TYW1B: variants seen among roughly 807,000 people sequenced by gnomAD.
TYW1B encodes S-adenosyl-L-methionine-dependent tRNA 4-demethylwyosine synthase TYW1B.
TYW1B carries 73 observed loss-of-function variants against 86.9 expected under a neutral mutation model. That is an observed-to-expected ratio of 0.84 (90% CI 0.70 to 1.02). TYW1B has a LOEUF of 1.02. Among genes scored for constraint, TYW1B ranks in the 50% least tolerant of loss-of-function variants. The pLI is 0.00. For missense variants in TYW1B, 637 were observed against 827.4 expected (o/e 0.77, Z 2.82); for synonymous variants, 248 against 292.8 (o/e 0.85, Z 1.56).
chr7:72,798,219 G>A (rs575091368), intron 6 of TYW1B, among the ~76,000 whole-genome samples: 8 of 151,970 alleles, frequency 5.3e-5, no homozygotes, highest in South Asian at 4.2e-4. Context: ...GTGAAACCCC[G>A]TCTCTACCAA....
chr7:72,647,475 G>C (rs1812956473), intron 11 of TYW1B, among the ~76,000 whole-genome samples: 1 of 152,118 alleles, frequency 6.6e-6, no homozygotes, highest in Admixed American at 6.6e-5. Context: ...CAATCCCAAG[G>C]AATGGCTAGA....
Position 72,628,980 on chromosome 7 carries a change from G to A in TYW1B, c.1524C>T (p.Tyr508=). Residue 508 remains tyrosine, a synonymous_variant, in exon 12 of 14, where the codon TAC becomes TAT. Coordinates refer to ENST00000620995, the MANE Select transcript of TYW1B (RefSeq NM_001145440.3). ...TCCATGCTTTCACGAGCATCAGTCT[G>A]TAGACAGTTCGTTGTTGCTAAAACA... ...ALAVKQQRTV[Y]RLMLVKAWNV... The A allele has an allele frequency of 2.5e-6, 4 of 1,585,270 alleles. No homozygotes were observed. Among genetic ancestry groups the A allele is most frequent in the Non-Finnish European group, 2.6e-6 (3 of 1,165,310 alleles).
At chr7:72,657,153 C>T (rs1223980267) in intron 11 of TYW1B, among the ~76,000 whole-genome samples, 2 of 151,920 alleles carry the variant, frequency 1.3e-5, no homozygotes, top group Admixed American at 6.6e-5. Context: ...TACAGATATC[C>T]TAAAATAGAA....
At chr7:72,703,389 G>T (rs1814537749) in intron 10 of TYW1B, among the ~76,000 whole-genome samples, 1 of 151,926 alleles carries the variant, frequency 6.6e-6, no homozygotes, top group Admixed American at 6.6e-5. Flanking sequence ...GACGTGTGTT[G>T]CTTAAATTCC....
chr7:72,641,893 C>T (rs1258288442), intron 11 of TYW1B, among the ~76,000 whole-genome samples: 2 of 152,106 alleles, frequency 1.3e-5, no homozygotes, highest in Non-Finnish European at 2.9e-5. Flanking sequence ...TCCCAAAATG[C>T]ATATGGAAAT....
chr7:72,707,349 A>G (rs1814638168), intron 10 of TYW1B, among the ~76,000 whole-genome samples: 1 of 152,258 alleles, frequency 6.6e-6, no homozygotes. Context: ...GCCCCAGCCC[A>G]GCCCATCATC....
At chr7:72,810,774 T>C in intron 3 of TYW1B, 109 bp from the exon 4 acceptor site, 1 of 1,392,650 alleles carries the variant, frequency 7.2e-7, no homozygotes, top group African/African-American at 1.5e-5. Flanking sequence ...AAGGGTACCT[T>C]CATAAACATG....
chr7:72,710,164 C>T (rs1466153895), intron 10 of TYW1B, among the ~76,000 whole-genome samples: 1 of 152,164 alleles, frequency 6.6e-6, no homozygotes, highest in Non-Finnish European at 1.5e-5. Context: ...GAATCATCTT[C>T]TCTGGTTATC....
At chr7:72,784,071 TG>T (rs1788089890) in intron 6 of TYW1B, among the ~76,000 whole-genome samples, 1 of 152,106 alleles carries the variant, frequency 6.6e-6, no homozygotes, top group Non-Finnish European at 1.5e-5. Context: ...AAATTAATGA[TG>T]CTGATGTTAG....
intron 13 of TYW1B, among the ~76,000 whole-genome samples, chr7:72,585,146 C>T (rs529395932): frequency 6.6e-6 from 1 of 152,330 alleles, no homozygotes; most frequent in South Asian, 2.1e-4. Context: ...GAGATCCAGT[C>T]ACCTCAAACT....
At chr7:72,650,374 G>C (rs1161356949) in intron 11 of TYW1B, among the ~76,000 whole-genome samples, 3 of 152,036 alleles carry the variant, frequency 2.0e-5, no homozygotes, top group African/African-American at 7.2e-5. Flanking sequence ...ATGTGCCTGG[G>C]GGTACAGCAC....
At chr7:72,691,238 C>G (rs1301913952) in intron 11 of TYW1B, among the ~76,000 whole-genome samples, 2 of 152,182 alleles carry the variant, frequency 1.3e-5, no homozygotes, top group Non-Finnish European at 2.9e-5. Flanking sequence ...GAGCAGCATC[C>G]TGCCACACAT....
chr7:72,715,438 T>C (rs1786760565), intron 9 of TYW1B, among the ~76,000 whole-genome samples: 2 of 152,182 alleles, frequency 1.3e-5, no homozygotes, highest in South Asian at 2.1e-4. Context: ...CTTGACTCAA[T>C]GTAGAAGGCA....
chr7:72,639,533 T>C (rs1812752573), intron 11 of TYW1B, among the ~76,000 whole-genome samples: 1 of 152,032 alleles, frequency 6.6e-6, no homozygotes, highest in Admixed American at 6.6e-5. Flanking sequence ...AGAAAATTTG[T>C]GGTTAAATCA....
intron 9 of TYW1B, among the ~76,000 whole-genome samples, chr7:72,726,789 C>T (rs578018060): frequency 3.1e-4 from 47 of 152,142 alleles, no homozygotes; most frequent in African/African-American, 1.1e-3. Context: ...AAAGAACTGC[C>T]GGAGACGGGG....
intron 4 of TYW1B, among the ~76,000 whole-genome samples, chr7:72,809,735 C>G (rs1554477566): frequency 6.6e-6 from 1 of 152,074 alleles, no homozygotes; most frequent in Non-Finnish European, 1.5e-5. Context: ...CATGATGGCT[C>G]ACACCTGTAA....
intron 10 of TYW1B, among the ~76,000 whole-genome samples, chr7:72,708,510 A>G (rs1814664512): frequency 6.6e-6 from 1 of 152,162 alleles, no homozygotes; most frequent in African/African-American, 2.4e-5. Context: ...CTCAGCAAAT[A>G]GCTGAACTTG....
intron 13 of TYW1B, among the ~76,000 whole-genome samples, chr7:72,591,996 G>C (rs1326937108): frequency 2.0e-5 from 3 of 151,698 alleles, no homozygotes; most frequent in Non-Finnish European, 4.4e-5. Flanking sequence ...GACAATTTTT[G>C]TATTTTTAGT....
In TYW1B at chr7:72,642,091, G is replaced by C. The variant is rs1159764771; in HGVS notation, c.1507-13094C>G. 3.3e-5 allele frequency among the ~76,000 whole-genome samples: 5 copies of C among 152,254 alleles called. No homozygotes were observed. In the East Asian group the frequency reaches 5.8e-4, roughly 18 times the overall value. On this transcript the variant is annotated intron_variant, in intron 11 of 13. Transcript: ENST00000620995. ...AAACCCATACACTTAGCGGCCAATTGATTTTGACAAGGGTACAAAGACAAT... is the reference window on the plus strand; with the variant it reads ...AAACCCATACACTTAGCGGCCAATTCATTTTGACAAGGGTACAAAGACAAT...
Sources: gnomAD v4.1 joint callset for allele counts (sites outside exome capture counted in the v4.1 genomes callset) on GRCh38, gnomAD v4.1.1 for gene constraint, MANE v1.5 for transcripts, NCBI Gene and HGNC (gene_info 2026-07-23, HGNC 2026-07-21) for gene names.